JAK1: variants seen among roughly 807,000 people sequenced by gnomAD.
JAK1 encodes the protein tyrosine-protein kinase JAK1.
A neutral mutation model predicts 136.6 loss-of-function variants in JAK1; 16 were observed. The ratio of observed to expected loss-of-function variants is 0.12; its 90% confidence interval spans 0.08 to 0.18. The LOEUF (loss-of-function observed/expected upper bound fraction) is 0.18. Ranked by LOEUF, JAK1 falls within the 10% of genes least tolerant of loss-of-function variation. JAK1 has a pLI of 1.00. For synonymous variants in JAK1, 492 were observed against 519.5 expected (o/e 0.95, Z 0.72); for missense variants, 859 against 1,450.1 (o/e 0.59, Z 6.62).
At chr1:64,944,285 T>C (rs946961364) in intron 1 of JAK1, among the ~76,000 whole-genome samples, 1 of 147,932 alleles carries the variant, frequency 6.8e-6, no homozygotes, top group Non-Finnish European at 1.5e-5. Flanking sequence ...GAGTAAAAGA[T>C]AGATTTATCA....
At chr1:65,039,178 A>C (rs1193090687) in intron 2 of JAK1, among the ~76,000 whole-genome samples, 1 of 152,188 alleles carries the variant, frequency 6.6e-6, no homozygotes, top group Non-Finnish European at 1.5e-5. Context: ...TAAAAGTCCT[A>C]TGAAAATGCA....
At chr1:65,003,180 G>C (rs146874301) in intron 2 of JAK1, among the ~76,000 whole-genome samples, 8 of 152,098 alleles carry the variant, frequency 5.3e-5, no homozygotes, top group African/African-American at 1.9e-4. Flanking sequence ...CCTCAGCCTA[G>C]AAAAGCGTGG....
intron 1 of JAK1, among the ~76,000 whole-genome samples, chr1:64,909,067 G>A (rs1645238315): frequency 6.6e-6 from 1 of 152,210 alleles, no homozygotes; most frequent in Non-Finnish European, 1.5e-5. Context: ...CTGCTATCTA[G>A]CATTATGCTA....
intron 1 of JAK1, among the ~76,000 whole-genome samples, chr1:64,928,583 G>C (rs766063727): frequency 6.6e-6 from 1 of 151,842 alleles, no homozygotes; most frequent in Non-Finnish European, 1.5e-5. Context: ...ATAGCTTAGA[G>C]GAGCATAAAG....
chr1:64,937,038 A>G (rs185223756), intron 1 of JAK1, among the ~76,000 whole-genome samples: 3,056 of 151,216 alleles, frequency 0.02, 111 homozygotes, highest in African/African-American at 0.071. Context: ...GACTGTTTAA[A>G]AAAAAAAAAA....
At chr1:65,028,202 G>T (rs557633292) in intron 2 of JAK1, among the ~76,000 whole-genome samples, 1 of 152,106 alleles carries the variant, frequency 6.6e-6, no homozygotes, top group East Asian at 1.9e-4. Flanking sequence ...CTCATGTGTT[G>T]TCTCATCAGT....
chr1:64,926,217 G>A lies in JAK1; in HGVS notation c.-77-39876C>T, dbSNP rs574268924. Among the ~76,000 whole-genome samples the A allele has an allele frequency of 1.9e-4, 29 of 152,112 alleles. No homozygotes were observed. In the East Asian group the frequency reaches 5.4e-3, roughly 28 times the overall value. ...ACTCCAGTTCCTGCCTCTCTCCTAC[G>A]GCCAGTGCTATTGTCTCCAGACCCC... On this transcript the variant is annotated intron_variant, in intron 1 of 24. Transcript: ENST00000342505.
intron 2 of JAK1, among the ~76,000 whole-genome samples, chr1:64,977,555 C>T (rs964675245): frequency 6.6e-6 from 1 of 151,686 alleles, no homozygotes; most frequent in Non-Finnish European, 1.5e-5. Flanking sequence ...CTCAGCCTCC[C>T]GACTAGGTGG....
intron 2 of JAK1, among the ~76,000 whole-genome samples, chr1:65,034,345 T>C (rs1365386331): frequency 6.6e-6 from 1 of 152,154 alleles, no homozygotes; most frequent in African/African-American, 2.4e-5. Flanking sequence ...AATTCATAAA[T>C]TTTGTACAAA....
intron 1 of JAK1, among the ~76,000 whole-genome samples, chr1:64,917,544 T>A (rs1002641146): frequency 1.3e-5 from 2 of 152,106 alleles, no homozygotes; most frequent in Non-Finnish European, 2.9e-5. Context: ...GATACTTATG[T>A]TGAGGGCAGT....
chr1:64,869,908 T>C lies in JAK1; in HGVS notation c.484-434A>G, dbSNP rs147040154. On this transcript the variant is annotated intron_variant, in intron 5 of 24. Coordinates refer to ENST00000342505, the MANE Select transcript of JAK1 (RefSeq NM_002227.4). Reference sequence around the variant, plus strand: ...AGTTGATGGGGCTCTCCCTCCATTCTGGTGTAGCTCTAGGGAAAGGGGAAC... The same window carrying C: ...AGTTGATGGGGCTCTCCCTCCATTCCGGTGTAGCTCTAGGGAAAGGGGAAC... Among the ~76,000 whole-genome samples, 546 of 152,322 alleles carry C rather than the reference T, an allele frequency of 3.6e-3. 5 individuals are homozygous for C. The highest frequency in any genetic ancestry group is 0.012 in the African/African-American group (519 of 41,556).
At chr1:65,034,109 T>G (rs1399619389) in intron 2 of JAK1, among the ~76,000 whole-genome samples, 1 of 152,210 alleles carries the variant, frequency 6.6e-6, no homozygotes, top group Non-Finnish European at 1.5e-5. Flanking sequence ...GGGAAAGGTA[T>G]TCCACATGGA....
intron 1 of JAK1, among the ~76,000 whole-genome samples, chr1:64,920,537 C>CT (rs141845861): frequency 0.043 from 6,553 of 152,258 alleles, 255 homozygotes; most frequent in Admixed American, 0.14. Context: ...CAGCAAGACT[C>CT]TGTCTTAAAC....
chr1:64,844,711 C>G lies in JAK1; in HGVS notation c.2251+43G>C. On this transcript the variant is annotated intron_variant, in intron 16 of 24. Coordinates refer to ENST00000342505, the MANE Select transcript of JAK1 (RefSeq NM_002227.4). This position sits in a 1 kb window ranked among gnomAD's most constrained non-coding sequence, Gnocchi z 5.7. ...CAGCCCTTCTCTCTGCTGACTTGCC[C>G]CTGACTCGGGGTGGGGCCAGAGGGA... 6.2e-7 allele frequency: 1 copy of G among 1,612,910 alleles called. No individual in the cohort carries two copies. The highest frequency in any genetic ancestry group is 1.1e-5 in the South Asian group (1 of 91,026).
intron 2 of JAK1, among the ~76,000 whole-genome samples, chr1:65,018,477 AG>A (rs1273406111): frequency 2.1e-5 from 3 of 143,752 alleles, no homozygotes; most frequent in Non-Finnish European, 4.5e-5. Flanking sequence ...AGAGAGAGAG[AG>A]AGAGAGAGAA....
chr1:65,041,816 A>G lies in JAK1; in HGVS notation c.-78+2664T>C, dbSNP rs542192504. 2.2e-3 allele frequency among the ~76,000 whole-genome samples: 333 copies of G among 152,350 alleles called. 4 individuals carry two copies. The highest frequency in any genetic ancestry group is 7.7e-3 in the African/African-American group (320 of 41,576). On this transcript the variant is annotated intron_variant, in intron 2 of 25. Transcript: ENST00000671954. The stretch of plus-strand genomic sequence containing the variant: ...CACTTTGGGAGGCCAAGGTGGGTGG[A>G]TCACCTGAGTTCAGGAGTTCTAGAC...
Position 64,984,632 on chromosome 1 carries a change from C to A in JAK1, c.-78+59848G>T. On this transcript the variant is annotated intron_variant, in intron 2 of 25. Coordinates refer to the JAK1 transcript ENST00000671954. The surrounding 1 kb of genome is among the most constrained non-coding windows in gnomAD (Gnocchi z 4.1). ...TAGACATTGGTGGTGGTCTCCTTAGCAGGCTGGATACTGTTCATCTCCATG... is the reference window on the plus strand; with the variant it reads ...TAGACATTGGTGGTGGTCTCCTTAGAAGGCTGGATACTGTTCATCTCCATG... 1 of 489,158 alleles carries A rather than the reference C, an allele frequency of 2.0e-6. No individual in the cohort carries two copies. Among genetic ancestry groups the A allele is most frequent in the Non-Finnish European group, 3.9e-6 (1 of 256,670 alleles). The allele number at this position is 489,158 out of a possible 1,614,324, so 30.3% of individuals were successfully genotyped here.
chr1:64,892,653 C>T (rs1192875192), intron 1 of JAK1, among the ~76,000 whole-genome samples: 2 of 152,168 alleles, frequency 1.3e-5, no homozygotes, highest in African/African-American at 4.8e-5. Flanking sequence ...ACAATAAAAC[C>T]TTGCATTTAT....
chr1:64,981,514 T>G (rs1195223966), intron 2 of JAK1, among the ~76,000 whole-genome samples: 1 of 152,214 alleles, frequency 6.6e-6, no homozygotes, highest in Non-Finnish European at 1.5e-5. Context: ...TTTGCCTAGT[T>G]TCACAAGACC....
Sources: gnomAD v4.1 joint callset for allele counts (sites outside exome capture counted in the v4.1 genomes callset) on GRCh38, gnomAD v4.1.1 for gene constraint, Gnocchi (gnomAD v3.1) non-coding constraint, MANE v1.5 for transcripts, NCBI Gene and HGNC (gene_info 2026-07-23, HGNC 2026-07-21) for gene names.